ASAP1: variants seen among roughly 807,000 people sequenced by gnomAD.
ASAP1 encodes the protein ArfGAP with SH3 domain, ankyrin repeat and PH domain 1.
Under a neutral mutation model 145.2 loss-of-function variants are expected in ASAP1, and 43 were observed. That is an observed-to-expected ratio of 0.30 (90% CI 0.23 to 0.38). The LOEUF is 0.38. ASAP1 is among the 10% of genes least tolerant of loss of function. The pLI, the probability that ASAP1 is intolerant of heterozygous loss-of-function variation, is 1.00. For synonymous variants in ASAP1, 546 were observed against 515.5 expected (o/e 1.06, Z -0.80); for missense variants, 1,018 against 1,355.3 (o/e 0.75, Z 3.91).
chr8:130,278,867 G>A (rs1821084916), intron 3 of ASAP1, among the ~76,000 whole-genome samples: 1 of 152,134 alleles, frequency 6.6e-6, no homozygotes, highest in African/African-American at 2.4e-5. Flanking sequence ...TTACTTTTAA[G>A]TCTTTTCATA....
At chr8:130,136,294 G>A (rs1379235614) in intron 14 of ASAP1, among the ~76,000 whole-genome samples, 2 of 152,152 alleles carry the variant, frequency 1.3e-5, no homozygotes, top group African/African-American at 4.8e-5. Context: ...GCTGTGGGGT[G>A]GGTAGCTCAT....
At chr8:130,159,806 C>T (rs370517090) in intron 12 of ASAP1, 58 bp downstream of exon 12, 2 of 1,378,988 alleles carry the variant, frequency 1.5e-6, no homozygotes, top group East Asian at 2.3e-5. Flanking sequence ...ATATGAGAGA[C>T]TGGAAACATT....
chr8:130,235,946 T>G (rs374540690), intron 4 of ASAP1, among the ~76,000 whole-genome samples: 1 of 152,230 alleles, frequency 6.6e-6, no homozygotes, highest in African/African-American at 2.4e-5. Context: ...TTTACAGATA[T>G]GAGATCATTA....
At chr8:130,159,760 A>C (rs2097665394) in intron 12 of ASAP1, 104 bp downstream of exon 12, 14 of 864,472 alleles carry the variant, frequency 1.6e-5, no homozygotes, top group South Asian at 2.9e-5. Context: ...AAAGGTCTGC[A>C]GCTAGTGTAT....
intron 12 of ASAP1, among the ~76,000 whole-genome samples, chr8:130,157,227 C>T (rs941320825): frequency 6.6e-6 from 1 of 152,162 alleles, no homozygotes; most frequent in Non-Finnish European, 1.5e-5. Flanking sequence ...CATTCTAGAG[C>T]CCAGTTTAAA....
chr8:130,072,822 T>TGCGCGCGC (rs1268452732), intron 27 of ASAP1, among the ~76,000 whole-genome samples: 1 of 26,036 alleles, frequency 3.8e-5, no homozygotes, highest in African/African-American at 1.4e-4. Flanking sequence ...TGTGTGTGTG[T>TGCGCGCGC]GTGCGCGCGG....
intron 2 of ASAP1, chr8:130,386,557 C>T (rs1828026978): frequency 6.6e-6 from 1 of 152,272 alleles, no homozygotes; most frequent in Non-Finnish European, 1.5e-5. Context: ...AATCGCCACG[C>T]GTCGCTTTAC....
At chr8:130,268,490 AACACACACACACACACAC>A (rs113714700) in intron 3 of ASAP1, among the ~76,000 whole-genome samples, 7 of 133,194 alleles carry the variant, frequency 5.3e-5, no homozygotes, top group South Asian at 2.5e-4. Context: ...CCCGTCTTAA[AACACACACACACACACAC>A]ACACACACAC....
At chr8:130,205,095 T>C (rs190716084) in intron 5 of ASAP1, among the ~76,000 whole-genome samples, 10 of 152,240 alleles carry the variant, frequency 6.6e-5, no homozygotes, top group African/African-American at 1.7e-4. Context: ...ATTCTTAAAG[T>C]TCAATCTTTT....
intron 3 of ASAP1, among the ~76,000 whole-genome samples, chr8:130,349,426 A>G (rs1446572249): frequency 6.6e-6 from 1 of 152,210 alleles, no homozygotes; most frequent in Non-Finnish European, 1.5e-5. Flanking sequence ...AACAAGGATA[A>G]TAAGAACAAT....
chr8:130,387,405 G>A (rs1237513984), intron 2 of ASAP1, among the ~76,000 whole-genome samples: 2 of 151,980 alleles, frequency 1.3e-5, no homozygotes, highest in East Asian at 1.9e-4. Context: ...GCATGGTGGC[G>A]CTCGCCTGTA....
chr8:130,087,372 C>A (rs1010709676), intron 25 of ASAP1, among the ~76,000 whole-genome samples: 1 of 152,088 alleles, frequency 6.6e-6, no homozygotes. Context: ...ATACAAAAAT[C>A]AGCTGGACAT....
In ASAP1 at chr8:130,385,149, T is replaced by C. The variant is rs115673049; in HGVS notation, c.59+16736A>G. On this transcript the variant is annotated intron_variant, in intron 2 of 29. Transcript: ENST00000518721. Reference sequence around the variant, plus strand: ...AGGCAGAAGGCACGTTGCTAGCTGGTGGTCGCTTGAGGTTCATTTAAAAGA... The same window carrying C: ...AGGCAGAAGGCACGTTGCTAGCTGGCGGTCGCTTGAGGTTCATTTAAAAGA... Among the ~76,000 whole-genome samples the C allele has an allele frequency of 3.6e-3, 544 of 152,220 alleles. 3 individuals are homozygous for C. Among genetic ancestry groups the C allele is most frequent in the African/African-American group, 0.013 (521 of 41,510 alleles).
intron 3 of ASAP1, among the ~76,000 whole-genome samples, chr8:130,346,366 C>T (rs9297806): frequency 0.82 from 124,694 of 152,252 alleles, 51,828 homozygotes; most frequent in African/African-American, 0.96. Flanking sequence ...GGAAGTTCTT[C>T]TGAGTCTAAC....
intron 3 of ASAP1, among the ~76,000 whole-genome samples, chr8:130,311,658 G>C (rs939160498): frequency 1.8e-4 from 27 of 150,810 alleles, no homozygotes; most frequent in African/African-American, 6.4e-4. Flanking sequence ...CTACTCGGGA[G>C]GCTGAGGCAA....
intron 3 of ASAP1, among the ~76,000 whole-genome samples, chr8:130,288,323 T>TA (rs59180420): frequency 0.19 from 28,313 of 151,704 alleles, 3,326 homozygotes; most frequent in East Asian, 0.45. Context: ...CTCCTTAGGG[T>TA]AATTCCATTC....
chr8:130,346,253 C>T (rs1274293344), intron 3 of ASAP1, among the ~76,000 whole-genome samples: 1 of 152,180 alleles, frequency 6.6e-6, no homozygotes, highest in Non-Finnish European at 1.5e-5. Flanking sequence ...TGAATAAGAA[C>T]ACAACTTAGC....
chr8:130,126,329 A>C (rs2305511), intron 16 of ASAP1, among the ~76,000 whole-genome samples: 28,585 of 152,156 alleles, frequency 0.19, 3,176 homozygotes, highest in East Asian at 0.44. Flanking sequence ...GGCTTTCCTT[A>C]AGAGACCCTA....
At position 130,269,869 on chromosome 8, in the gene ASAP1, C is replaced by T. The variant is rs566118914; in HGVS notation, c.187-32875G>A. Among the ~76,000 whole-genome samples the T allele has an allele frequency of 1.2e-4, 18 of 152,250 alleles. No individual in the cohort carries two copies. The South Asian group carries it at 1.2e-3, about 11-fold the overall frequency. ...CAGGATCACAAAATTTTGAGGCATTCGTTCCAAGTTAAATATCAGGCCAGG... is the reference window on the plus strand; with the variant it reads ...CAGGATCACAAAATTTTGAGGCATTTGTTCCAAGTTAAATATCAGGCCAGG... On this transcript the variant is annotated intron_variant, in intron 3 of 29. Transcript: ENST00000518721.
Sources: allele counts gnomAD v4.1 joint callset (sites outside exome capture counted in the v4.1 genomes callset), GRCh38; gene constraint gnomAD v4.1.1; transcripts MANE v1.5; gene names NCBI Gene and HGNC (gene_info 2026-07-23, HGNC 2026-07-21).